Variants in MYH11 observed in about 807,000 individuals in gnomAD.
The protein encoded by MYH11 is myosin-11.
In MYH11, 80 loss-of-function variants were observed where a neutral mutation model predicts 246.6. The ratio of observed to expected loss-of-function variants is 0.32; its 90% CI spans 0.27 to 0.39. The LOEUF (loss-of-function observed/expected upper bound fraction) is 0.39, where lower values mean the gene tolerates loss of function less well. Ranked by LOEUF, MYH11 falls within the 10% of genes least tolerant of loss-of-function variation. The pLI is 1.00. For synonymous variants in MYH11, 1,071 were observed against 1,015.5 expected, an observed-to-expected ratio of 1.05 and a Z score of -1.04; for missense variants, 2,158 against 2,546.8, an observed-to-expected ratio of 0.85 and a Z score of 3.29.
Position 15,823,349 on chromosome 16 carries a change from C to T in MYH11, c.408G>A (p.Glu136=), listed in dbSNP as rs772043288. 6 of 1,614,192 alleles carry T rather than the reference C, an allele frequency of 3.7e-6. No homozygotes were observed. The highest frequency in any genetic ancestry group is 5.1e-6 in the Non-Finnish European group (6 of 1,180,042). ...NPYKHLPIYS[E]KIVDMYKGKK... ...TGCCCTTGTACATGTCGACGATCTT[C>T]TCCGAGTAGATGGGCAGGTGTTTAT... The change falls in exon 3 of 41, where the codon GAG becomes GAA. Residue 136 remains glutamate, a synonymous_variant. Transcript: ENST00000300036.
At chr16:15,810,183 A>G (rs9302521) in intron 3 of MYH11, among the ~76,000 whole-genome samples, 7,973 of 151,536 alleles carry the variant, frequency 0.053, 710 homozygotes, top group African/African-American at 0.18. Context: ...ATAGTCGCCC[A>G]CCACCATGCC....
intron 32 of MYH11, 49 bp downstream of exon 32, chr16:15,721,373 G>A (rs774775521): frequency 6.3e-7 from 1 of 1,581,620 alleles, no homozygotes; most frequent in African/African-American, 1.3e-5. Context: ...ATAGCACAGA[G>A]GGTGGGCAGG....
In MYH11 at chr16:15,759,637, G is replaced by T; in HGVS notation, c.1340C>A (p.Thr447Asn). 6.2e-7 allele frequency: 1 copy of T among 1,614,194 alleles called. No individual in the cohort carries two copies. Among genetic ancestry groups the T allele is most frequent in the Non-Finnish European group, 8.5e-7 (1 of 1,180,032 alleles). ...CAGGAAGGAAGCCCCTTGCCGATGG[G>T]TCTTGTCCAGGGCTTTGTTCACGCG... Reference protein sequence around the residue: ...LTRVNKALDKTHRQGASFLGI... With the variant: ...LTRVNKALDKNHRQGASFLGI... The change falls in exon 12 of 41, where the codon ACC becomes AAC. Residue 447 changes from threonine (T) to asparagine (N), a missense_variant. Around this residue, in one of 11 missense-constraint regions of MYH11, gnomAD observed 317 missense variants for 507.7 expected, o/e 0.62. Transcript: ENST00000300036.
intron 20 of MYH11, among the ~76,000 whole-genome samples, 161 bp downstream of exon 20, chr16:15,744,968 A>G (rs2041377163): frequency 6.6e-6 from 1 of 152,244 alleles, no homozygotes; most frequent in African/African-American, 2.4e-5. Context: ...GCCAAAGGAC[A>G]GGGCCTCCTC....
intron 2 of MYH11, among the ~76,000 whole-genome samples, chr16:15,826,933 G>T (rs1281678885): frequency 6.8e-6 from 1 of 147,936 alleles, no homozygotes; most frequent in Non-Finnish European, 1.5e-5. Context: ...GTGGAGGGAG[G>T]TTGTAGTGAG....
At chr16:15,708,583 G>C (rs2039595905) in intron 40 of MYH11, among the ~76,000 whole-genome samples, 1 of 152,218 alleles carries the variant, frequency 6.6e-6, no homozygotes. Context: ...GTGCTGCCCA[G>C]AGGCAGGAAG....
chr16:15,706,758 C>T (rs2039479810), intron 40 of MYH11, among the ~76,000 whole-genome samples: 1 of 152,072 alleles, frequency 6.6e-6, no homozygotes, highest in Non-Finnish European at 1.5e-5. Context: ...CTAACCTCCA[C>T]ATCAGTGCTC....
chr16:15,796,182 C>G (rs960491032), intron 4 of MYH11, among the ~76,000 whole-genome samples: 1 of 152,146 alleles, frequency 6.6e-6, no homozygotes, highest in Non-Finnish European at 1.5e-5. Context: ...GAACCGCTAT[C>G]TAAATTAACT....
intron 9 of MYH11, among the ~76,000 whole-genome samples, chr16:15,770,023 G>T (rs1399885886): frequency 6.6e-6 from 1 of 152,066 alleles, no homozygotes. Flanking sequence ...CAAGAAAAAA[G>T]GATTTGGTAA....
rs75139720 is a variant in MYH11, at chr16:15,732,527, T to C, written c.3651+37A>G. ...TTTGAGGCTGCTGATGTCACTCTTA[T>C]GTGTCATCACCAAAAAGCATCACCA... is the stretch of plus-strand genomic sequence containing the variant. On this transcript the variant is annotated intron_variant, in intron 27 of 40. Transcript: ENST00000300036. 0.014 allele frequency: 22,657 copies of C among 1,613,966 alleles called. 643 individuals are homozygous for C. The highest frequency in any genetic ancestry group is 0.13 in the East Asian group (5,983 of 44,886).
In MYH11 at chr16:15,718,440, T is replaced by TTCCCGACAGGCTACTGGCCA; in HGVS notation, c.5172-3_5172-2insTGGCCAGTAGCCTGTCGGGA. Reference sequence around the variant, plus strand: ...CGCTTCTCGTCCTGGAGTGCGTTCCTGGGGGAAGGGCGGCCATGGTGGGGG... The same window carrying TTCCCGACAGGCTACTGGCCA: ...CGCTTCTCGTCCTGGAGTGCGTTCCTTCCCGACAGGCTACTGGCCAGGGGGAAGGGCGGCCATGGTGGGGG... On this transcript the variant is annotated splice_polypyrimidine_tract_variant and splice_region_variant and intron_variant, in intron 36 of 40. Transcript: ENST00000300036. The TTCCCGACAGGCTACTGGCCA allele has an allele frequency of 6.4e-7, 1 of 1,559,774 alleles. No individual in the cohort carries two copies. The highest frequency in any genetic ancestry group is 8.7e-7 in the Non-Finnish European group (1 of 1,154,956).
At chr16:15,817,770 C>T (rs2043298588) in intron 3 of MYH11, among the ~76,000 whole-genome samples, 1 of 152,058 alleles carries the variant, frequency 6.6e-6, no homozygotes, top group East Asian at 1.9e-4. Context: ...AAACCAGCTC[C>T]TGCCACACTC....
chr16:15,714,918 C>T lies in MYH11; in HGVS notation c.5777G>A (p.Ser1926Asn), dbSNP rs2151191803. Residue 1926 changes from serine to asparagine, a missense_variant, in exon 40 of 41, where the codon AGC (serine) becomes AAC (asparagine). This residue lies in a region of MYH11 where 1,013 missense variants were observed against 993.5 expected (regional missense o/e 1.02). Coordinates refer to ENST00000300036, the MANE Select transcript of MYH11 (RefSeq NM_002474.3). ...AMGREVNALK[S>N]KLRRGNETSF... ...GCCACGGGCTCCTCACCTGAGCTTG[C>T]TCTTGAGTGCGTTCACCTCGCGGCC... 1 of 1,613,944 alleles carries T rather than the reference C, an allele frequency of 6.2e-7. No homozygotes were observed. The highest frequency in any genetic ancestry group is 8.5e-7 in the Non-Finnish European group (1 of 1,180,028).
chr16:15,763,411 G>C (rs570867421), intron 10 of MYH11, among the ~76,000 whole-genome samples: 1 of 152,108 alleles, frequency 6.6e-6, no homozygotes, highest in Non-Finnish European at 1.5e-5. Context: ...TTAGGGGTAG[G>C]ACGTGATGAC....
At chr16:15,766,467 T>A (rs1169881249) in intron 9 of MYH11, among the ~76,000 whole-genome samples, 1 of 151,426 alleles carries the variant, frequency 6.6e-6, no homozygotes, top group Non-Finnish European at 1.5e-5. Context: ...GCTTCCCAGG[T>A]TCAGGGGAAT....
rs1555552121 is a variant in MYH11, at chr16:15,721,417, C to G, written c.4578+5G>C. 6.2e-7 allele frequency: 1 copy of G among 1,614,102 alleles called. No individual in the cohort carries two copies. The highest frequency in any genetic ancestry group is 8.5e-7 in the Non-Finnish European group (1 of 1,179,962). On this transcript the variant is annotated splice_donor_5th_base_variant and intron_variant, in intron 32 of 40. Transcript: ENST00000300036. ...GGACGAGAAAAACCACCCAGAGCCA[C>G]TTACGTTCTTGCCCACGTCATCCTT...
intron 40 of MYH11, chr16:15,708,829 TGGG>T (rs747392139): frequency 1.2e-6 from 2 of 1,602,906 alleles, no homozygotes; most frequent in African/African-American, 2.7e-5. Flanking sequence ...AAGTTTCCTG[TGGG>T]GGGGGCCCTC....
rs1317809527 is a variant in MYH11 at position 15,704,013 on chromosome 16, T to G, written c.5897A>C (p.Asn1966Thr). 3 of 1,614,160 alleles carry G rather than the reference T, an allele frequency of 1.9e-6. No individual in the cohort carries two copies. Among genetic ancestry groups the G allele is most frequent in the East Asian group, 4.5e-5 (2 of 44,876 alleles). ...EETDTRDADFNGTKASE is the reference protein window; with the variant it reads ...EETDTRDADFTGTKASE Reference sequence around the variant, plus strand: ...TGCTTATTCACTGGCCTTGGTTCCATTGAAGTCTGCGTCTCGAGTGTCCGT... The same window carrying G: ...TGCTTATTCACTGGCCTTGGTTCCAGTGAAGTCTGCGTCTCGAGTGTCCGT... Residue 1966 changes from asparagine (N) to threonine (T), a missense_variant, in exon 41 of 41, where the codon AAT becomes ACT. By Grantham distance (65) the Asn-to-Thr change is moderately conservative. This residue lies in a region of MYH11 where 1,013 missense variants were observed against 993.5 expected (regional missense o/e 1.02). Coordinates refer to ENST00000300036, the MANE Select transcript of MYH11 (RefSeq NM_002474.3).
rs113537940 is a variant in MYH11 at position 15,776,136 on chromosome 16, G to A, written c.831C>T (p.Asp277=). The A allele has an allele frequency of 3.7e-5, 59 of 1,614,084 alleles. No individual in the cohort carries two copies. In the East Asian group the frequency reaches 4.7e-4, roughly 13 times the overall value. ...EKSRAIRQAR[D]ERTFHIFYYM... ...AGTAAAAGATGTGGAATGTCCTCTC[G>A]TCTCTGGCTTGGCGAATTGCCCGTG... Residue 277 remains aspartate (D), a synonymous_variant, in exon 8 of 41, where the codon GAC becomes GAT. Transcript: ENST00000300036.
Sources: gnomAD v4.1 joint callset for allele counts (sites outside exome capture counted in the v4.1 genomes callset) on GRCh38, gnomAD v4.1.1 for gene constraint, gnomAD v4.1.1 regional missense constraint, MANE v1.5 for transcripts, NCBI Gene and HGNC (gene_info 2026-07-23, HGNC 2026-07-21) for gene names.